KIF26B: variants seen among roughly 807,000 people sequenced by gnomAD.
KIF26B encodes kinesin family member 26B.
Under a neutral mutation model 151.2 loss-of-function variants are expected in KIF26B, and 63 were observed. The ratio of observed to expected loss-of-function variants is 0.42; its 90% CI spans 0.34 to 0.51. KIF26B has a LOEUF of 0.51. Ranked by LOEUF, KIF26B falls within the 20% of genes least tolerant of loss-of-function variation. The pLI, the probability that KIF26B is intolerant of heterozygous loss-of-function variation, is 0.07. For synonymous variants in KIF26B, 1,357 were observed against 1,262.1 expected (o/e 1.08, Z -1.59); for missense variants, 2,813 against 2,913.6 (o/e 0.97, Z 0.79).
In KIF26B at chr1:245,516,683, G is replaced by C. The variant is rs1046896876; in HGVS notation, c.1167-24084G>C. On this transcript the variant is annotated intron_variant, in intron 4 of 14. Transcript: ENST00000407071. This position sits in a 1 kb window ranked among gnomAD's most constrained non-coding sequence, Gnocchi z 4.2. ...CCGCAAGGCCTGTCTGTGCCTATTG[G>C]CTGCTCTAAAGGGAAGTTGAGGAAT... Among the ~76,000 whole-genome samples the C allele has an allele frequency of 5.9e-5, 9 of 152,282 alleles. No homozygotes were observed. Among genetic ancestry groups the C allele is most frequent in the Non-Finnish European group, 1.2e-4 (8 of 68,020 alleles).
intron 2 of KIF26B, among the ~76,000 whole-genome samples, chr1:245,203,675 T>C (rs138513242): frequency 3.3e-5 from 5 of 152,340 alleles, no homozygotes; most frequent in African/African-American, 1.2e-4. Context: ...ACATGGTGCA[T>C]GCAGTTTTTG....
chr1:245,169,554 C>T (rs1204177511), intron 2 of KIF26B, among the ~76,000 whole-genome samples: 1 of 152,078 alleles, frequency 6.6e-6, no homozygotes, highest in Admixed American at 6.6e-5. Context: ...AGGCTGAGAG[C>T]AGAGGAAGCG....
At chr1:245,295,615 G>A (rs543447825) in intron 2 of KIF26B, among the ~76,000 whole-genome samples, 22 of 152,324 alleles carry the variant, frequency 1.4e-4, no homozygotes, top group Non-Finnish European at 2.6e-4. Flanking sequence ...CACACATGGT[G>A]AGCCAGGAAG....
At chr1:245,429,515 C>T (rs955737016) in intron 4 of KIF26B, among the ~76,000 whole-genome samples, 11 of 152,260 alleles carry the variant, frequency 7.2e-5, no homozygotes, top group Admixed American at 2.0e-4. Flanking sequence ...GTGACCCATA[C>T]GGAGAGAGAA....
At chr1:245,700,950 T>C (rs551586150) in intron 14 of KIF26B, among the ~76,000 whole-genome samples, 1 of 152,322 alleles carries the variant, frequency 6.6e-6, no homozygotes, top group East Asian at 1.9e-4. Flanking sequence ...CTCTCCTTCA[T>C]TTTTGCTATT....
At chr1:245,374,698 G>C (rs1673230886) in intron 3 of KIF26B, among the ~76,000 whole-genome samples, 1 of 152,138 alleles carries the variant, frequency 6.6e-6, no homozygotes, top group Non-Finnish European at 1.5e-5. Flanking sequence ...GTTTTCTCCT[G>C]TTTATAGGCG....
intron 4 of KIF26B, among the ~76,000 whole-genome samples, chr1:245,425,197 T>C (rs1658595063): frequency 6.6e-6 from 1 of 152,110 alleles, no homozygotes; most frequent in South Asian, 2.1e-4. Context: ...CCTTATAAAG[T>C]ATGGAGTACA....
intron 9 of KIF26B, among the ~76,000 whole-genome samples, chr1:245,619,328 A>G (rs959635225): frequency 6.6e-6 from 1 of 152,234 alleles, no homozygotes; most frequent in Non-Finnish European, 1.5e-5. Flanking sequence ...GTCCAAATGA[A>G]ATGTGTGCTG....
rs550585454 is a variant in KIF26B, at chr1:245,403,874, AATAG to A, written c.1000-15700_1000-15697del. Among the ~76,000 whole-genome samples the A allele has an allele frequency of 2.9e-3, 437 of 152,342 alleles. 2 individuals carry two copies. Among genetic ancestry groups the A allele is most frequent in the African/African-American group, 0.01 (424 of 41,582 alleles). Reference sequence around the variant, plus strand: ...TGCCCTCATGGAACTGACCTTTCATAATAGATAGCTTGTTGTCCATGCTAACAAG... The same window carrying A: ...TGCCCTCATGGAACTGACCTTTCATAATAGCTTGTTGTCCATGCTAACAAG... On this transcript the variant is annotated intron_variant, in intron 3 of 14. Coordinates refer to ENST00000407071, the MANE Select transcript of KIF26B (RefSeq NM_018012.4).
At chr1:245,690,544 A>G (rs2044610739) in intron 12 of KIF26B, among the ~76,000 whole-genome samples, 1 of 152,216 alleles carries the variant, frequency 6.6e-6, no homozygotes, top group African/African-American at 2.4e-5. Context: ...AGTGAACATT[A>G]TAAACCATTC....
intron 3 of KIF26B, among the ~76,000 whole-genome samples, chr1:245,373,510 A>G (rs1011203375): frequency 6.6e-6 from 1 of 152,248 alleles, no homozygotes; most frequent in African/African-American, 2.4e-5. Context: ...AATTCAGAAG[A>G]TGTTAGCTTA....
In KIF26B at chr1:245,667,940, G is replaced by C. The variant is rs2044234657; in HGVS notation, c.2259-16293G>C. 1.3e-5 allele frequency among the ~76,000 whole-genome samples: 2 copies of C among 152,164 alleles called. No individual in the cohort carries two copies. Among genetic ancestry groups the C allele is most frequent in the South Asian group, 2.1e-4 (1 of 4,826 alleles). ...GAGTCTCACTCTGTCACCCAGGCTG[G>C]AGTGCAGTGCAGTGGCGCAATCTCA... On this transcript the variant is annotated intron_variant, in intron 10 of 14. Coordinates refer to ENST00000407071, the MANE Select transcript of KIF26B (RefSeq NM_018012.4). The surrounding 1 kb of genome is among the most constrained non-coding windows in gnomAD (Gnocchi z 4.3).
chr1:245,646,172 A>G lies in KIF26B; in HGVS notation c.2150A>G (p.Lys717Arg). The G allele has an allele frequency of 6.2e-7, 1 of 1,613,966 alleles. No homozygotes were observed. The highest frequency in any genetic ancestry group is 8.5e-7 in the Non-Finnish European group (1 of 1,179,876). ...CTCATTGATCTCGGCAGCTGTGTGA[A>G]AGCTCTTAGCAAAAATCGAGAAGGA... is the stretch of plus-strand genomic sequence containing the variant. Reference protein sequence around the residue: ...LHLIDLGSCVKALSKNREGGS... With the variant: ...LHLIDLGSCVRALSKNREGGS... Residue 717 changes from lysine (K) to arginine (R), a missense_variant, in exon 10 of 15, where the codon AAA (lysine) becomes AGA (arginine). Coordinates refer to ENST00000407071, the MANE Select transcript of KIF26B (RefSeq NM_018012.4).
At chr1:245,374,673 A>G (rs1045230730) in intron 3 of KIF26B, among the ~76,000 whole-genome samples, 1 of 152,188 alleles carries the variant, frequency 6.6e-6, no homozygotes. Context: ...AGAGATTCTT[A>G]AGACCATGGG....
At position 245,596,393 on chromosome 1, in the gene KIF26B, T is replaced by C. The variant is rs2043336496; in HGVS notation, c.1351-6184T>C. On this transcript the variant is annotated intron_variant, in intron 5 of 14. Coordinates refer to ENST00000407071, the MANE Select transcript of KIF26B (RefSeq NM_018012.4). ...TCATTGGTTTCAAAGAAATTATTTA[T>C]TTCTGCCTTCATTTCATTATTTACC... Among the ~76,000 whole-genome samples, 6 of 152,238 alleles carry C rather than the reference T, an allele frequency of 3.9e-5. No individual in the cohort carries two copies. The South Asian group carries it at 1.2e-3, about 32-fold the overall frequency.
At chr1:245,492,027 G>A (rs1660418549) in intron 4 of KIF26B, among the ~76,000 whole-genome samples, 1 of 152,086 alleles carries the variant, frequency 6.6e-6, no homozygotes, top group Non-Finnish European at 1.5e-5. Context: ...CTGTAAAATG[G>A]AGACACAAGC....
At chr1:245,531,666 G>A (rs150752216) in intron 4 of KIF26B, among the ~76,000 whole-genome samples, 121 of 152,300 alleles carry the variant, frequency 7.9e-4, no homozygotes, top group African/African-American at 2.8e-3. Flanking sequence ...GCAGGTCTGC[G>A]CCTATAGAAG....
Position 245,375,981 on chromosome 1 carries a change from A to C in KIF26B, c.999+8614A>C, listed in dbSNP as rs536618474. On this transcript the variant is annotated intron_variant, in intron 3 of 14. Transcript: ENST00000407071. The surrounding 1 kb of genome is among the most constrained non-coding windows in gnomAD (Gnocchi z 4.2). ...GATTTCCCTATTGTTATAGAATCAT[A>C]ATAAGTAGCACACCACAGCGACTCT... 2.4e-4 allele frequency among the ~76,000 whole-genome samples: 37 copies of C among 152,290 alleles called. No homozygotes were observed. The highest frequency in any genetic ancestry group is 8.9e-4 in the African/African-American group (37 of 41,558).
intron 2 of KIF26B, among the ~76,000 whole-genome samples, chr1:245,173,622 G>A (rs1668752181): frequency 6.6e-6 from 1 of 152,184 alleles, no homozygotes; most frequent in African/African-American, 2.4e-5. Context: ...GGAGGCTGTG[G>A]TCCTGCACTC....
Sources: gnomAD v4.1 joint callset for allele counts (sites outside exome capture counted in the v4.1 genomes callset) on GRCh38, gnomAD v4.1.1 for gene constraint, Gnocchi (gnomAD v3.1) non-coding constraint, MANE v1.5 for transcripts, NCBI Gene and HGNC (gene_info 2026-07-23, HGNC 2026-07-21) for gene names.